The following SLC49A3 variants were observed in gnomAD, a reference collection of about 807,000 sequenced individuals.
The protein encoded by SLC49A3 is solute carrier family 49 member 3.
A neutral mutation model predicts 43.8 loss-of-function variants in SLC49A3; 50 were observed. That is an observed-to-expected ratio of 1.14 (90% CI 0.91 to 1.45). The LOEUF (loss-of-function observed/expected upper bound fraction) is 1.45, where lower values mean the gene tolerates loss of function less well. Among genes scored for constraint, SLC49A3 ranks in the 40% most tolerant of loss-of-function variants. SLC49A3 has a pLI of 0.00. For synonymous variants in SLC49A3, 413 were observed against 352.0 expected, an observed-to-expected ratio of 1.17 and a Z score of -1.94; for missense variants, 906 against 774.1, an observed-to-expected ratio of 1.17 and a Z score of -2.02.
chr4:681,418 G>C (rs1404343589), downstream of SLC49A3, among the ~76,000 whole-genome samples: 2 of 151,946 alleles, frequency 1.3e-5, no homozygotes, highest in Non-Finnish European at 2.9e-5. Context: ...GGGGCTCACA[G>C]CTGTGCGGTC....
downstream of SLC49A3, chr4:679,101 A>G (rs569137592): frequency 6.1e-6 from 8 of 1,305,474 alleles, no homozygotes; most frequent in South Asian, 9.4e-5. Flanking sequence ...CCAGCTCCAG[A>G]CGCCGCGGCC....
Position 685,998 on chromosome 4 carries a change from C to G in SLC49A3, c.509-87G>C. ...AGGCAGAACCTTCCGGGCCCCAGCT[C>G]CTCCACCCTGGCCAGAGAGCCTGGG... On this transcript the variant is annotated intron_variant, in intron 3 of 9. Transcript: ENST00000322224. The surrounding 1 kb of genome is among the most constrained non-coding windows in gnomAD (Gnocchi z 4.3). 1 of 1,607,828 alleles carries G rather than the reference C, an allele frequency of 6.2e-7. No homozygotes were observed. The highest frequency in any genetic ancestry group is 1.7e-5 in the Admixed American group (1 of 59,726).
At chr4:678,798 C>G (rs761355066), downstream of SLC49A3, 1 of 1,607,726 alleles carries the variant, frequency 6.2e-7, no homozygotes, top group South Asian at 1.1e-5. Flanking sequence ...GGAGCCCCCA[C>G]CCCCAGGAGC....
chr4:681,133 C>T (rs765244059), downstream of SLC49A3: 2 of 1,606,152 alleles, frequency 1.2e-6, no homozygotes, highest in East Asian at 2.2e-5. Context: ...AAGATGACGG[C>T]GGAAGAGGTC....
chr4:683,507 G>C, intron 7 of SLC49A3, 102 bp downstream of exon 7: 1 of 1,496,048 alleles, frequency 6.7e-7, no homozygotes, highest in Non-Finnish European at 9.0e-7. Flanking sequence ...CTGGGCATGA[G>C]ACAGTCCAGA....
upstream of SLC49A3, among the ~76,000 whole-genome samples, chr4:690,689 G>A (rs936827843): frequency 2.0e-5 from 3 of 152,306 alleles, no homozygotes; most frequent in African/African-American, 7.2e-5. Flanking sequence ...TCTGTTGAGC[G>A]TGCATTGTCG....
At position 683,727 on chromosome 4, in the gene SLC49A3, G is replaced by C; in HGVS notation, c.875C>G (p.Thr292Arg). The C allele has an allele frequency of 3.2e-6, 5 of 1,586,656 alleles. No individual in the cohort carries two copies. The highest frequency in any genetic ancestry group is 4.3e-6 in the Non-Finnish European group (5 of 1,166,320). Residue 292 changes from threonine to arginine, a missense_variant, in exon 7 of 10, where the codon ACG becomes AGG. Coordinates refer to ENST00000322224, the MANE Select transcript of SLC49A3 (RefSeq NM_032219.4). ...AGCCAGTGCCCCCAGGATCCCAAAC[G>C]TGATGAAGAGAGCGCCACAGAGGCC... Reference protein sequence around the residue: ...FSGLCGALFITFGILGALALG... With the variant: ...FSGLCGALFIRFGILGALALG...
downstream of SLC49A3, chr4:678,903 G>A (rs1739135367): frequency 1.7e-5 from 27 of 1,609,758 alleles, 1 homozygote; most frequent in South Asian, 3.0e-4. Flanking sequence ...GGAGCAGGGG[G>A]CGGGGCAGAG....
chr4:679,086 G>A (rs1739159168), downstream of SLC49A3: 3 of 1,440,436 alleles, frequency 2.1e-6, no homozygotes, highest in East Asian at 8.0e-5. Flanking sequence ...GAACACAGAG[G>A]TCCTCCAGCT....
At chr4:677,844 G>A, downstream of SLC49A3, 1 of 969,330 alleles carries the variant, frequency 1.0e-6, no homozygotes, top group Non-Finnish European at 1.6e-6. Context: ...GGGCAAGGGT[G>A]TGAGTCACTG....
At chr4:682,967 C>G in intron 8 of SLC49A3, 77 bp from the exon 9 acceptor site, 1 of 1,320,590 alleles carries the variant, frequency 7.6e-7, no homozygotes, top group Non-Finnish European at 1.0e-6. Context: ...GAAATGTTGA[C>G]ATCGGTGCTG....
upstream of SLC49A3, chr4:689,263 A>G (rs1741646236): frequency 6.3e-6 from 3 of 476,682 alleles, no homozygotes; most frequent in Non-Finnish European, 9.6e-6. Flanking sequence ...GTTCCGCCCC[A>G]AGGACTACGG....
At chr4:680,534 T>C (rs745867158), downstream of SLC49A3, 2 of 1,613,524 alleles carry the variant, frequency 1.2e-6, no homozygotes, top group Non-Finnish European at 1.7e-6. Flanking sequence ...AGACCATTCT[T>C]AACGCCTTCA....
At chr4:682,649 A>T (rs1216777875) in intron 9 of SLC49A3, 132 bp downstream of exon 9, 2 of 688,102 alleles carry the variant, frequency 2.9e-6, no homozygotes, top group African/African-American at 3.7e-5. Flanking sequence ...TTGCCCGGGG[A>T]CTCCCTGCGT....
intron 4 of SLC49A3, 29 bp from the exon 5 acceptor site, chr4:684,885 A>G (rs754830350): frequency 1.2e-6 from 2 of 1,602,802 alleles, no homozygotes; most frequent in Non-Finnish European, 1.7e-6. Context: ...GCACAAGGAG[A>G]CCACGCAGAC....
downstream of SLC49A3, chr4:678,315 G>A: frequency 7.0e-7 from 1 of 1,428,304 alleles, no homozygotes; most frequent in Non-Finnish European, 9.2e-7. Context: ...CAAAATCCCG[G>A]TACCCAGAAC....
rs1304466742 is a variant in SLC49A3, at chr4:685,373, A to G, written c.585+462T>C. On this transcript the variant is annotated intron_variant, in intron 4 of 9. Coordinates refer to ENST00000322224, the MANE Select transcript of SLC49A3 (RefSeq NM_032219.4). The surrounding 1 kb of genome is among the most constrained non-coding windows in gnomAD (Gnocchi z 4.3). ...AACAGAGACACGCACCGCACACACCACACACACTCAATACACACAGGCAGG... is the reference window on the plus strand; with the variant it reads ...AACAGAGACACGCACCGCACACACCGCACACACTCAATACACACAGGCAGG... Among the ~76,000 whole-genome samples the G allele has an allele frequency of 2.0e-5, 3 of 151,994 alleles. No individual in the cohort carries two copies. Among genetic ancestry groups the G allele is most frequent in the African/African-American group, 7.3e-5 (3 of 41,346 alleles).
intron 7 of SLC49A3, 55 bp from the exon 8 acceptor site, chr4:683,422 G>A: frequency 6.3e-7 from 1 of 1,575,012 alleles, no homozygotes; most frequent in Non-Finnish European, 8.6e-7. Context: ...GTCAGAACTG[G>A]ACCTGGCTTC....
At position 684,867 on chromosome 4, in the gene SLC49A3, G is replaced by C. The variant is rs1740672879; in HGVS notation, c.586-11C>G. On this transcript the variant is annotated splice_polypyrimidine_tract_variant and intron_variant, in intron 4 of 9. Transcript: ENST00000322224. ...GGTATAGACACCGAGCTGGGGAGGG[G>C]TGTGTGTGCACAAGGAGACCACGCA... 2 of 1,609,814 alleles carry C rather than the reference G, an allele frequency of 1.2e-6. No homozygotes were observed. Among genetic ancestry groups the C allele is most frequent in the Non-Finnish European group, 8.5e-7 (1 of 1,179,098 alleles).
Sources: allele counts gnomAD v4.1 joint callset (sites outside exome capture counted in the v4.1 genomes callset), GRCh38; gene constraint gnomAD v4.1.1; non-coding constraint Gnocchi (gnomAD v3.1); transcripts MANE v1.5; gene names NCBI Gene and HGNC (gene_info 2026-07-23, HGNC 2026-07-21).